LSAMP: variants seen among roughly 807,000 people sequenced by gnomAD.
LSAMP encodes limbic system associated membrane protein.
A neutral mutation model predicts 38.6 loss-of-function variants in LSAMP; 7 were observed. The observed-to-expected ratio is 0.18, with a 90% confidence interval of 0.10 to 0.34. LSAMP has a LOEUF of 0.34. LSAMP is among the 10% of genes least tolerant of loss of function. The probability of loss-of-function intolerance (pLI) is 1.00; values close to 1 mark genes in which losing one functional copy is unlikely to be tolerated. For synonymous variants in LSAMP, 154 were observed against 166.8 expected, an observed-to-expected ratio of 0.92 and a Z score of 0.59; for missense variants, 313 against 420.0, an observed-to-expected ratio of 0.75 and a Z score of 2.23.
chr3:116,262,983 C>T (rs190385767), intron 1 of LSAMP, among the ~76,000 whole-genome samples: 27 of 151,980 alleles, frequency 1.8e-4, no homozygotes, highest in Non-Finnish European at 3.1e-4. Context: ...CTTAATTTTT[C>T]GGCTCTTAAA....
At chr3:116,137,051 G>A (rs966143248) in intron 1 of LSAMP, among the ~76,000 whole-genome samples, 27 of 152,214 alleles carry the variant, frequency 1.8e-4, no homozygotes, top group Non-Finnish European at 3.2e-4. Context: ...TCTGGCTTCC[G>A]ATAGCAGCTG....
chr3:116,297,643 TC>T (rs1295694831), intron 1 of LSAMP, among the ~76,000 whole-genome samples: 1 of 152,160 alleles, frequency 6.6e-6, no homozygotes, highest in East Asian at 1.9e-4. Context: ...GTCAGTCTTA[TC>T]CTGGAAATGT....
intron 1 of LSAMP, among the ~76,000 whole-genome samples, chr3:116,232,037 T>C (rs1239179253): frequency 6.6e-6 from 1 of 152,218 alleles, no homozygotes; most frequent in Admixed American, 6.5e-5. Flanking sequence ...CAGAAACGTA[T>C]TTCTACAACT....
chr3:116,213,243 T>C (rs2046183075), intron 1 of LSAMP, among the ~76,000 whole-genome samples: 1 of 152,228 alleles, frequency 6.6e-6, no homozygotes, highest in African/African-American at 2.4e-5. Flanking sequence ...TGAATGCCCA[T>C]ATGTTGTAGG....
intron 1 of LSAMP, among the ~76,000 whole-genome samples, chr3:116,160,446 G>A (rs1709860568): frequency 6.7e-6 from 1 of 149,244 alleles, no homozygotes; most frequent in Non-Finnish European, 1.5e-5. Context: ...AAGGAAGGAA[G>A]GAAGGAGAGA....
intron 1 of LSAMP, among the ~76,000 whole-genome samples, chr3:116,340,370 A>G (rs1166967922): frequency 6.6e-6 from 1 of 151,988 alleles, no homozygotes; most frequent in Non-Finnish European, 1.5e-5. Flanking sequence ...TAACTAAATA[A>G]CAAAGATCTC....
chr3:115,811,796 T>C (rs1012213172), intron 6 of LSAMP, among the ~76,000 whole-genome samples: 4 of 152,180 alleles, frequency 2.6e-5, no homozygotes, highest in Admixed American at 2.6e-4. Context: ...TACTACACGA[T>C]TTTGTCACAA....
At chr3:116,440,133 G>A (rs976613843) in intron 1 of LSAMP, among the ~76,000 whole-genome samples, 2 of 152,190 alleles carry the variant, frequency 1.3e-5, no homozygotes, top group African/African-American at 4.8e-5. Flanking sequence ...CTTCTGAGTC[G>A]TACAAACTAA....
At chr3:116,408,733 T>G (rs2048931932) in intron 1 of LSAMP, among the ~76,000 whole-genome samples, 1 of 152,100 alleles carries the variant, frequency 6.6e-6, no homozygotes, top group African/African-American at 2.4e-5. Flanking sequence ...CCAAAGTCAA[T>G]GCTTTTCTGT....
chr3:115,892,984 A>G (rs1936638544), intron 3 of LSAMP, among the ~76,000 whole-genome samples: 1 of 151,848 alleles, frequency 6.6e-6, no homozygotes, highest in Non-Finnish European at 1.5e-5. Context: ...ATCAATCAGG[A>G]AATACTTAAA....
At chr3:116,279,766 T>G (rs1057066181) in intron 1 of LSAMP, among the ~76,000 whole-genome samples, 21 of 152,190 alleles carry the variant, frequency 1.4e-4, no homozygotes, top group African/African-American at 4.8e-4. Flanking sequence ...CATAAAAATG[T>G]CATTGAAAAT....
chr3:115,832,503 A>G (rs369042088), intron 6 of LSAMP, among the ~76,000 whole-genome samples: 1 of 152,218 alleles, frequency 6.6e-6, no homozygotes, highest in Non-Finnish European at 1.5e-5. Context: ...AACTGGCACC[A>G]TAAAAATGCT....
At chr3:116,139,705 CAT>C (rs1169088650) in intron 1 of LSAMP, among the ~76,000 whole-genome samples, 1 of 151,938 alleles carries the variant, frequency 6.6e-6, no homozygotes, top group Non-Finnish European at 1.5e-5. Flanking sequence ...TTATAGCACA[CAT>C]GAGGCTTATT....
intron 1 of LSAMP, among the ~76,000 whole-genome samples, chr3:116,223,379 A>G (rs1427212893): frequency 6.6e-6 from 1 of 152,232 alleles, no homozygotes; most frequent in Non-Finnish European, 1.5e-5. Context: ...GTCAAAAATT[A>G]ATTGCAAATG....
intron 1 of LSAMP, among the ~76,000 whole-genome samples, chr3:116,168,584 C>T (rs554375314): frequency 2.4e-4 from 36 of 152,284 alleles, no homozygotes; most frequent in Non-Finnish European, 4.9e-4. Context: ...CATATATCTG[C>T]TTCCTAACTT....
rs8179922 is a variant in LSAMP, at chr3:115,944,940, T to G, written c.514+74575A>C. Reference sequence around the variant, plus strand: ...TCTATGTATATTCCTTTCCTTCCCCTTATCTGTCTATCAAAAATTTATATG... The same window carrying G: ...TCTATGTATATTCCTTTCCTTCCCCGTATCTGTCTATCAAAAATTTATATG... On this transcript the variant is annotated intron_variant, in intron 3 of 6. Coordinates refer to ENST00000490035, the MANE Select transcript of LSAMP (RefSeq NM_002338.5). Among the ~76,000 whole-genome samples the G allele has an allele frequency of 1.1e-4, 17 of 152,192 alleles. No homozygotes were observed. The South Asian group carries it at 3.5e-3, about 32-fold the overall frequency.
At chr3:116,107,664 T>A (rs142895047) in intron 1 of LSAMP, among the ~76,000 whole-genome samples, 3,333 of 152,256 alleles carry the variant, frequency 0.022, 125 homozygotes, top group African/African-American at 0.075. Context: ...ACTGAAGTAA[T>A]GGGGTCTGTC....
intron 1 of LSAMP, among the ~76,000 whole-genome samples, chr3:116,139,944 G>A (rs1709334738): frequency 6.6e-6 from 1 of 151,854 alleles, no homozygotes; most frequent in South Asian, 2.1e-4. Context: ...CTAGCAAAGG[G>A]GCATAATAAG....
At chr3:115,863,666 C>A (rs558553604) in intron 3 of LSAMP, among the ~76,000 whole-genome samples, 4 of 151,678 alleles carry the variant, frequency 2.6e-5, no homozygotes, top group South Asian at 2.1e-4. Context: ...CAGAAGTGTG[C>A]GGTTAGGGAA....
Sources: allele counts gnomAD v4.1 joint callset (sites outside exome capture counted in the v4.1 genomes callset), GRCh38; gene constraint gnomAD v4.1.1; transcripts MANE v1.5; gene names NCBI Gene and HGNC (gene_info 2026-07-23, HGNC 2026-07-21).